The following HECW1 variants were observed in gnomAD, a reference collection of about 807,000 sequenced individuals.
The protein encoded by HECW1 is HECT, C2 and WW domain containing E3 ubiquitin protein ligase 1.
In HECW1, 61 loss-of-function variants were observed where a neutral mutation model predicts 182.3. That is an observed-to-expected ratio of 0.33 (90% CI 0.27 to 0.41). HECW1 has a LOEUF of 0.41. Ranked by LOEUF, HECW1 falls within the 10% of genes least tolerant of loss-of-function variation. HECW1 has a pLI of 1.00. For synonymous variants in HECW1, 859 were observed against 832.6 expected (o/e 1.03, Z -0.55); for missense variants, 1,739 against 2,108.9 (o/e 0.82, Z 3.44).
Position 43,444,185 on chromosome 7 carries a change from G to A in HECW1, c.1046-33G>A. 1 of 1,569,856 alleles carries A rather than the reference G, an allele frequency of 6.4e-7. No individual in the cohort carries two copies. Among genetic ancestry groups the A allele is most frequent in the Non-Finnish European group, 8.7e-7 (1 of 1,155,466 alleles). ...CCTAACACCACAATGCTCTCTTCTG[G>A]GAGAAATGACATATTTTTCTTCTTA... On this transcript the variant is annotated intron_variant, in intron 10 of 29. Coordinates refer to ENST00000395891, the MANE Select transcript of HECW1 (RefSeq NM_015052.5). The surrounding 1 kb of genome is among the most constrained non-coding windows in gnomAD (Gnocchi z 4.3).
intron 2 of HECW1, among the ~76,000 whole-genome samples, chr7:43,135,674 A>C (rs1210191848): frequency 6.6e-6 from 1 of 152,164 alleles, no homozygotes. Context: ...CCTTTGACCC[A>C]TTCTTTCATA....
chr7:43,117,027 GC>G (rs1436989973), intron 2 of HECW1, among the ~76,000 whole-genome samples: 1 of 152,164 alleles, frequency 6.6e-6, no homozygotes, highest in East Asian at 1.9e-4. Flanking sequence ...ACTACTTTGA[GC>G]CTTCTGTTAA....
At chr7:43,293,024 A>T (rs971791289) in intron 3 of HECW1, among the ~76,000 whole-genome samples, 3 of 152,122 alleles carry the variant, frequency 2.0e-5, no homozygotes, top group Admixed American at 6.5e-5. Flanking sequence ...GGAGATCAAG[A>T]TCATCCTAGC....
intron 8 of HECW1, among the ~76,000 whole-genome samples, chr7:43,411,689 T>C (rs1379550810): frequency 6.6e-6 from 1 of 152,216 alleles, no homozygotes; most frequent in East Asian, 1.9e-4. Flanking sequence ...GTTATGTCTA[T>C]GCATCATGTT....
intron 11 of HECW1, among the ~76,000 whole-genome samples, chr7:43,447,656 A>G (rs1021865824): frequency 6.6e-6 from 1 of 152,174 alleles, no homozygotes; most frequent in Non-Finnish European, 1.5e-5. Context: ...CCGTGTCTGC[A>G]TTGTGGGACT....
chr7:43,134,033 G>A lies in HECW1; in HGVS notation c.-32+19642G>A, dbSNP rs190963496. ...CTTCGGAAAATATAATTAGTCACAA[G>A]CCCTCTCTAACTTGTTCAAACTTAC... is the stretch of plus-strand genomic sequence containing the variant. On this transcript the variant is annotated intron_variant, in intron 2 of 29. Transcript: ENST00000395891. 6.6e-3 allele frequency among the ~76,000 whole-genome samples: 1,000 copies of A among 152,212 alleles called. 13 individuals carry two copies. Among genetic ancestry groups the A allele is most frequent in the African/African-American group, 0.023 (957 of 41,526 alleles).
At chr7:43,371,573 G>C (rs1016152153) in intron 6 of HECW1, among the ~76,000 whole-genome samples, 1 of 151,872 alleles carries the variant, frequency 6.6e-6, no homozygotes, top group Non-Finnish European at 1.5e-5. Flanking sequence ...TACACTATTG[G>C]GCCCATTTTT....
intron 8 of HECW1, among the ~76,000 whole-genome samples, chr7:43,430,106 T>G (rs2076495155): frequency 6.6e-6 from 1 of 152,266 alleles, no homozygotes; most frequent in Non-Finnish European, 1.5e-5. Context: ...TGAGTGTGCA[T>G]AAATGAATCA....
At chr7:43,232,624 T>G (rs1198982664) in intron 2 of HECW1, among the ~76,000 whole-genome samples, 1 of 152,162 alleles carries the variant, frequency 6.6e-6, no homozygotes, top group Non-Finnish European at 1.5e-5. Context: ...ATGATGTTCT[T>G]GCGGGAAAAG....
intron 3 of HECW1, among the ~76,000 whole-genome samples, chr7:43,297,241 G>C (rs547085230): frequency 8.1e-4 from 124 of 152,226 alleles, no homozygotes; most frequent in Admixed American, 2.0e-3. Context: ...AACTGAATTA[G>C]ATACAGTCAG....
At chr7:43,555,892 T>C (rs11971252) in intron 29 of HECW1, among the ~76,000 whole-genome samples, 2,418 of 126,672 alleles carry the variant, frequency 0.019, 77 homozygotes, top group African/African-American at 0.073. Flanking sequence ...AAAGGCAGAA[T>C]TTGCATTTGT....
intron 21 of HECW1, 60 bp from the exon 22 acceptor site, chr7:43,507,076 GA>G (rs1181194244): frequency 1.4e-5 from 22 of 1,569,590 alleles, no homozygotes; most frequent in African/African-American, 1.4e-5. Flanking sequence ...TCTCAAAAAA[GA>G]AAAAAAGAAG....
intron 8 of HECW1, among the ~76,000 whole-genome samples, chr7:43,430,181 A>G (rs969543074): frequency 1.3e-5 from 2 of 152,220 alleles, no homozygotes; most frequent in Non-Finnish European, 2.9e-5. Context: ...TGAAAATAGT[A>G]AGTGAAAATA....
intron 2 of HECW1, among the ~76,000 whole-genome samples, chr7:43,180,141 G>A (rs914682553): frequency 7.2e-6 from 1 of 139,348 alleles, no homozygotes; most frequent in Non-Finnish European, 1.5e-5. Context: ...GAGCCTAAAA[G>A]AACAAAAGAT....
At chr7:43,284,127 C>T (rs1804289192) in intron 3 of HECW1, among the ~76,000 whole-genome samples, 1 of 152,180 alleles carries the variant, frequency 6.6e-6, no homozygotes, top group African/African-American at 2.4e-5. Context: ...GGACCCTTCT[C>T]ACCTGGTTCT....
chr7:43,336,168 C>T (rs537319344), intron 5 of HECW1, among the ~76,000 whole-genome samples: 1,448 of 120,864 alleles, frequency 0.012, 47 homozygotes, highest in Middle Eastern at 0.04. Context: ...CTCTCTCTCT[C>T]TCTCTCTCTC....
chr7:43,556,668 A>G (rs916365104), intron 29 of HECW1, among the ~76,000 whole-genome samples: 1 of 151,752 alleles, frequency 6.6e-6, no homozygotes, highest in Non-Finnish European at 1.5e-5. Context: ...AGGCTGGGCA[A>G]CAGAGTGAGA....
Position 43,290,013 on chromosome 7 carries a change from T to C in HECW1, c.28-21750T>C, listed in dbSNP as rs542183073. Among the ~76,000 whole-genome samples, 8 of 152,310 alleles carry C rather than the reference T, an allele frequency of 5.3e-5. No homozygotes were observed. In the East Asian group the frequency reaches 1.4e-3, roughly 26 times the overall value. ...CGGGTTGTGGAGGCCAAGGCCTTTG[T>C]TATGTAGATGAAGCCTTATCGGTAG... On this transcript the variant is annotated intron_variant, in intron 3 of 29. Transcript: ENST00000395891.
intron 3 of HECW1, among the ~76,000 whole-genome samples, chr7:43,310,400 G>T (rs1340759322): frequency 1.3e-5 from 2 of 152,178 alleles, no homozygotes; most frequent in Non-Finnish European, 2.9e-5. Flanking sequence ...ATAGTGACAA[G>T]CATTTTGAAA....
Sources: allele counts gnomAD v4.1 joint callset (sites outside exome capture counted in the v4.1 genomes callset), GRCh38; gene constraint gnomAD v4.1.1; non-coding constraint Gnocchi (gnomAD v3.1); transcripts MANE v1.5; gene names NCBI Gene and HGNC (gene_info 2026-07-23, HGNC 2026-07-21).